Variants in NEK6 observed in about 807,000 individuals in gnomAD.
NEK6 encodes NIMA related kinase 6, also known as serine/threonine-protein kinase Nek6.
Under a neutral mutation model 43.5 loss-of-function variants are expected in NEK6, and 27 were observed. The observed-to-expected ratio is 0.62, with a 90% CI of 0.46 to 0.86. NEK6 has a LOEUF of 0.86. Ranked by LOEUF, NEK6 falls within the 40% of genes least tolerant of loss-of-function variation. The pLI is 0.00. For synonymous variants in NEK6, 167 were observed against 164.1 expected (o/e 1.02, Z -0.14); for missense variants, 318 against 414.4 (o/e 0.77, Z 2.02).
chr9:124,337,901 T>C (rs1039713777), intron 7 of NEK6, among the ~76,000 whole-genome samples: 2 of 152,238 alleles, frequency 1.3e-5, no homozygotes, highest in Non-Finnish European at 2.9e-5. Context: ...TCATCGACCT[T>C]GTTTTTCTTT....
chr9:124,314,498 GT>G (rs112945731), intron 4 of NEK6, among the ~76,000 whole-genome samples: 7 of 146,820 alleles, frequency 4.8e-5, no homozygotes, highest in Admixed American at 6.8e-5. Flanking sequence ...GTGGTGGTGG[GT>G]TTTTTTTTTA....
intron 7 of NEK6, among the ~76,000 whole-genome samples, chr9:124,334,595 A>G (rs1829193772): frequency 6.6e-6 from 1 of 152,140 alleles, no homozygotes; most frequent in Admixed American, 6.5e-5. Context: ...CAGCAGAGGG[A>G]GGAGGTGGTG....
At chr9:124,337,511 A>G (rs762923641) in intron 7 of NEK6, among the ~76,000 whole-genome samples, 3 of 152,248 alleles carry the variant, frequency 2.0e-5, no homozygotes, top group Non-Finnish European at 2.9e-5. Context: ...AATGAAATAC[A>G]ATAATGTGCT....
intron 8 of NEK6, among the ~76,000 whole-genome samples, chr9:124,346,295 C>A (rs758462572): frequency 5.9e-5 from 9 of 152,202 alleles, no homozygotes; most frequent in Non-Finnish European, 1.5e-5. Flanking sequence ...AGGAGGCAGG[C>A]CCTTGGGGTC....
chr9:124,311,452 C>T (rs554785802), intron 2 of NEK6, among the ~76,000 whole-genome samples: 7 of 152,158 alleles, frequency 4.6e-5, no homozygotes, highest in Non-Finnish European at 1.0e-4. Flanking sequence ...TTGTCTGTCT[C>T]CTCCTTCCCT....
Position 124,326,205 on chromosome 9 carries a change from C to CG in NEK6, c.406-125_406-124insG. The CG allele has an allele frequency of 8.1e-6, 1 of 122,836 alleles. No homozygotes were observed. 7.6% of individuals were successfully genotyped at this position (122,836 alleles called of 1,614,324 possible). On this transcript the variant is annotated intron_variant, in intron 5 of 9. Transcript: ENST00000320246. The surrounding 1 kb of genome is among the most constrained non-coding windows in gnomAD (Gnocchi z 4.5). ...TATTGTTTGCTCAGTGGCTCAATCCCCCCCCCCCGCCCCTGCCAGGCACCA... is the reference window on the plus strand; with the variant it reads ...TATTGTTTGCTCAGTGGCTCAATCCCGCCCCCCCCGCCCCTGCCAGGCACCA...
At chr9:124,312,739 C>T (rs1833600241) in intron 3 of NEK6, 90 bp downstream of exon 3, 1 of 1,375,258 alleles carries the variant, frequency 7.3e-7, no homozygotes, top group Non-Finnish European at 9.9e-7. Flanking sequence ...CTTCTCTCCC[C>T]TCTTCTGTGA....
chr9:124,349,013 C>T (rs1830111621), intron 9 of NEK6, among the ~76,000 whole-genome samples: 1 of 152,226 alleles, frequency 6.6e-6, no homozygotes, highest in Admixed American at 6.5e-5. Context: ...GAAGGAGTGC[C>T]CTTGCCCCGG....
In NEK6 at chr9:124,265,010, T is replaced by C. The variant is rs1442406022; in HGVS notation, c.-30+6925T>C. Reference sequence around the variant, plus strand: ...TTTAAGATACATGAAGTAGCCAGAATAGATAAATCCACATAGACCTAAAGC... The same window carrying C: ...TTTAAGATACATGAAGTAGCCAGAACAGATAAATCCACATAGACCTAAAGC... On this transcript the variant is annotated intron_variant, in intron 1 of 9. Transcript: ENST00000320246. Among the ~76,000 whole-genome samples, 4 of 152,036 alleles carry C rather than the reference T, an allele frequency of 2.6e-5. No homozygotes were observed. The East Asian group carries it at 7.7e-4, about 29-fold the overall frequency.
In NEK6 at chr9:124,275,253, G is replaced by A. The variant is rs1314625430; in HGVS notation, c.-30+17168G>A. On this transcript the variant is annotated intron_variant, in intron 1 of 9. Coordinates refer to ENST00000320246, the MANE Select transcript of NEK6 (RefSeq NM_014397.6). This position sits in a 1 kb window ranked among gnomAD's most constrained non-coding sequence, Gnocchi z 4.4. Reference sequence around the variant, plus strand: ...TTAAACTTCTAGGGATGAGATGTAGGTGCCCACTTATTTAAACCAGGGCCA... The same window carrying A: ...TTAAACTTCTAGGGATGAGATGTAGATGCCCACTTATTTAAACCAGGGCCA... 6.6e-6 allele frequency among the ~76,000 whole-genome samples: 1 copy of A among 152,192 alleles called. No individual in the cohort carries two copies. The highest frequency in any genetic ancestry group is 1.5e-5 in the Non-Finnish European group (1 of 68,046).
intron 8 of NEK6, among the ~76,000 whole-genome samples, chr9:124,345,257 AAGG>A (rs1194108368): frequency 2.0e-5 from 3 of 152,206 alleles, no homozygotes; most frequent in Non-Finnish European, 4.4e-5. Context: ...TCACTGGTAG[AAGG>A]AGATCTCGCC....
At chr9:124,296,931 C>T (rs1363000102) in intron 1 of NEK6, among the ~76,000 whole-genome samples, 2 of 152,246 alleles carry the variant, frequency 1.3e-5, no homozygotes, top group African/African-American at 4.8e-5. Flanking sequence ...CCGATCCCTT[C>T]CAGCAGGTGC....
At chr9:124,264,555 A>C (rs1831152026) in intron 1 of NEK6, among the ~76,000 whole-genome samples, 1 of 152,246 alleles carries the variant, frequency 6.6e-6, no homozygotes. Context: ...CTATAATCCC[A>C]GCACTTTGAG....
chr9:124,331,751 C>A lies in NEK6; in HGVS notation c.622+4306C>A, dbSNP rs374722518. 2.0e-5 allele frequency among the ~76,000 whole-genome samples: 3 copies of A among 152,218 alleles called. No individual in the cohort carries two copies. The South Asian group carries it at 6.2e-4, about 32-fold the overall frequency. ...TGTGCCCAGGCCTGGCATGGGGGCC[C>A]TTGTGGAACATTTGCTGAGTGGATG... is the stretch of plus-strand genomic sequence containing the variant. On this transcript the variant is annotated intron_variant, in intron 7 of 9. Transcript: ENST00000320246.
chr9:124,260,202 A>G (rs1830978837), intron 1 of NEK6, among the ~76,000 whole-genome samples: 1 of 152,012 alleles, frequency 6.6e-6, no homozygotes, highest in African/African-American at 2.4e-5. Flanking sequence ...CACTTGGGAT[A>G]TGGTATTTGA....
intron 1 of NEK6, among the ~76,000 whole-genome samples, chr9:124,283,902 C>T (rs1237249115): frequency 1.3e-5 from 2 of 152,234 alleles, no homozygotes; most frequent in Non-Finnish European, 1.5e-5. Context: ...GTTTAAGGGA[C>T]GCCTGAGAGC....
At chr9:124,315,211 C>T (rs1023087509) in intron 4 of NEK6, among the ~76,000 whole-genome samples, 2 of 152,190 alleles carry the variant, frequency 1.3e-5, no homozygotes, top group African/African-American at 4.8e-5. Context: ...CAGGGAAACC[C>T]GCTTCCTGGG....
chr9:124,346,977 T>C (rs776962397), intron 8 of NEK6, among the ~76,000 whole-genome samples: 3 of 152,170 alleles, frequency 2.0e-5, no homozygotes, highest in Admixed American at 6.5e-5. Context: ...ATTTTACAAA[T>C]GAGGAAACTG....
intron 8 of NEK6, 21 bp from the exon 9 acceptor site, chr9:124,347,688 C>T (rs368521099): frequency 8.1e-5 from 121 of 1,487,890 alleles, no homozygotes; most frequent in Middle Eastern, 5.3e-4. Context: ...AGCTTATCTT[C>T]GTTGTTCCCG....
Sources: gnomAD v4.1 joint callset for allele counts (sites outside exome capture counted in the v4.1 genomes callset) on GRCh38, gnomAD v4.1.1 for gene constraint, Gnocchi (gnomAD v3.1) non-coding constraint, MANE v1.5 for transcripts, NCBI Gene and HGNC (gene_info 2026-07-23, HGNC 2026-07-21) for gene names.